The following PTPRD variants were observed in gnomAD, a reference collection of about 807,000 sequenced individuals.
PTPRD encodes protein tyrosine phosphatase receptor type D, also known as receptor-type tyrosine-protein phosphatase delta.
A neutral mutation model predicts 214.5 loss-of-function variants in PTPRD; 34 were observed. The ratio of observed to expected loss-of-function variants is 0.16; its 90% CI spans 0.12 to 0.21. The LOEUF (loss-of-function observed/expected upper bound fraction) is 0.21, where lower values mean the gene tolerates loss of function less well. PTPRD is among the 10% of genes least tolerant of loss of function. The pLI is 1.00. For synonymous variants in PTPRD, 1,128 were observed against 845.7 expected, an observed-to-expected ratio of 1.33 and a Z score of -5.79; for missense variants, 2,545 against 2,398.7, an observed-to-expected ratio of 1.06 and a Z score of -1.27.
chr9:10,556,203 C>G (rs1440847233), intron 2 of PTPRD, among the ~76,000 whole-genome samples: 1 of 151,810 alleles, frequency 6.6e-6, no homozygotes, highest in Non-Finnish European at 1.5e-5. Context: ...ATCTAAATGT[C>G]AAACTTTAGA....
At chr9:10,190,884 CCTCT>C (rs1346027864) in intron 3 of PTPRD, among the ~76,000 whole-genome samples, 1 of 152,002 alleles carries the variant, frequency 6.6e-6, no homozygotes, top group Non-Finnish European at 1.5e-5. Context: ...TGGCCAGCAG[CCTCT>C]CTAAGTAAAT....
chr9:10,197,533 G>C (rs1175249936), intron 3 of PTPRD, among the ~76,000 whole-genome samples: 1 of 151,984 alleles, frequency 6.6e-6, no homozygotes, highest in Admixed American at 6.6e-5. Flanking sequence ...TTATTACAGG[G>C]AACTATATCT....
At chr9:9,823,470 G>C (rs1452814077) in intron 5 of PTPRD, among the ~76,000 whole-genome samples, 1 of 151,820 alleles carries the variant, frequency 6.6e-6, no homozygotes, top group Non-Finnish European at 1.5e-5. Context: ...CCAGCATTGG[G>C]GATTACAATT....
intron 7 of PTPRD, among the ~76,000 whole-genome samples, chr9:9,624,204 T>G (rs1198992592): frequency 6.6e-6 from 1 of 152,194 alleles, no homozygotes; most frequent in Non-Finnish European, 1.5e-5. Context: ...AATTGCACTA[T>G]TAACTCTGCT....
chr9:10,446,417 C>CTTTTTTTTTTTTTTTTT (rs34478548), intron 2 of PTPRD, among the ~76,000 whole-genome samples: 1 of 92,964 alleles, frequency 1.1e-5, no homozygotes, highest in Non-Finnish European at 2.2e-5. Context: ...CTATTTTTTT[C>CTTTTTTTTTTTTTTTTT]TTTTTTTTTT....
intron 2 of PTPRD, among the ~76,000 whole-genome samples, chr9:10,569,193 G>C (rs1477555077): frequency 6.6e-6 from 1 of 152,108 alleles, no homozygotes; most frequent in Non-Finnish European, 1.5e-5. Flanking sequence ...CTGGCCATCA[G>C]AGAAATGCAA....
intron 11 of PTPRD, among the ~76,000 whole-genome samples, chr9:8,918,296 C>A (rs1263594335): frequency 6.6e-6 from 1 of 152,104 alleles, no homozygotes; most frequent in Non-Finnish European, 1.5e-5. Flanking sequence ...CTCTCTTGGC[C>A]TAGAAAGGGA....
chr9:9,429,540 T>G (rs55906328), intron 8 of PTPRD, among the ~76,000 whole-genome samples: 4,702 of 152,202 alleles, frequency 0.031, 165 homozygotes, highest in East Asian at 0.09. Context: ...AATCCTCCCT[T>G]ACTCATTTTA....
At chr9:8,865,254 C>T (rs1414144910) in intron 11 of PTPRD, among the ~76,000 whole-genome samples, 1 of 152,078 alleles carries the variant, frequency 6.6e-6, no homozygotes, top group Non-Finnish European at 1.5e-5. Flanking sequence ...AACAAGAAAC[C>T]AGAAAACAAG....
At chr9:8,479,299 ATACTTTTCTCACTCAAG>A (rs1455028736) in intron 30 of PTPRD, among the ~76,000 whole-genome samples, 1 of 152,166 alleles carries the variant, frequency 6.6e-6, no homozygotes, top group Non-Finnish European at 1.5e-5. Context: ...CATTTCTTTG[ATACTTTTCTCACTCAAG>A]TACTTTCCTG....
At chr9:9,656,692 G>A (rs2096524362) in intron 7 of PTPRD, among the ~76,000 whole-genome samples, 1 of 152,036 alleles carries the variant, frequency 6.6e-6, no homozygotes, top group African/African-American at 2.4e-5. Context: ...CTATAATGGT[G>A]GATACATCAT....
chr9:8,622,635 A>G (rs2154302506), intron 14 of PTPRD, among the ~76,000 whole-genome samples: 1 of 152,090 alleles, frequency 6.6e-6, no homozygotes, highest in East Asian at 1.9e-4. Context: ...AACACTTAGC[A>G]CACTTCCTGG....
intron 14 of PTPRD, among the ~76,000 whole-genome samples, chr9:8,557,455 T>TATATACATACACATAC: frequency 5.2e-5 from 7 of 135,630 alleles, no homozygotes; most frequent in African/African-American, 1.7e-4. Context: ...TATATATATA[T>TATATACATACACATAC]ATTTGGGCCG....
At chr9:9,424,826 A>T (rs1344477525) in intron 8 of PTPRD, among the ~76,000 whole-genome samples, 3 of 152,180 alleles carry the variant, frequency 2.0e-5, no homozygotes, top group African/African-American at 4.8e-5. Flanking sequence ...ATCATTTAGA[A>T]AACGACAATT....
chr9:9,941,161 C>A (rs1443404891), intron 4 of PTPRD, among the ~76,000 whole-genome samples: 1 of 152,190 alleles, frequency 6.6e-6, no homozygotes, highest in Non-Finnish European at 1.5e-5. Flanking sequence ...TCCTGGGCCG[C>A]ATGCTGCCTG....
At chr9:9,363,563 C>T (rs1032433934) in intron 9 of PTPRD, among the ~76,000 whole-genome samples, 2 of 151,286 alleles carry the variant, frequency 1.3e-5, no homozygotes, top group Admixed American at 1.3e-4. Context: ...CTGAGATTGG[C>T]TCTCTGTTCA....
chr9:8,828,315 G>A (rs533785886), intron 11 of PTPRD, among the ~76,000 whole-genome samples: 88 of 152,316 alleles, frequency 5.8e-4, no homozygotes, highest in African/African-American at 2.0e-3. Context: ...AGGTAATTAG[G>A]TCATGAGGGT....
intron 2 of PTPRD, among the ~76,000 whole-genome samples, chr9:10,486,838 T>C (rs1350186104): frequency 6.6e-6 from 1 of 152,200 alleles, no homozygotes; most frequent in East Asian, 1.9e-4. Flanking sequence ...TTAGTACAGA[T>C]TAAACTTGAT....
At chr9:8,917,161 C>T (rs1218661886) in intron 11 of PTPRD, among the ~76,000 whole-genome samples, 1 of 146,622 alleles carries the variant, frequency 6.8e-6, no homozygotes, top group East Asian at 2.0e-4. Flanking sequence ...GACAAAGTCT[C>T]CCTTTTGCCC....
Sources: gnomAD v4.1 joint callset for allele counts (sites outside exome capture counted in the v4.1 genomes callset) on GRCh38, gnomAD v4.1.1 for gene constraint, MANE v1.5 for transcripts, NCBI Gene and HGNC (gene_info 2026-07-23, HGNC 2026-07-21) for gene names.